RFC1: variants seen among roughly 807,000 people sequenced by gnomAD.
RFC1 encodes replication factor C subunit 1.
RFC1 carries 37 observed loss-of-function variants against 137.4 expected under a neutral mutation model. The ratio of observed to expected loss-of-function variants is 0.27; its 90% CI spans 0.21 to 0.35. The LOEUF is 0.35. RFC1 is among the 10% of genes least tolerant of loss of function. The pLI is 1.00. For missense variants in RFC1, 1,205 were observed against 1,358.5 expected, an observed-to-expected ratio of 0.89 and a Z score of 1.78; for synonymous variants, 429 against 455.7, an observed-to-expected ratio of 0.94 and a Z score of 0.75.
rs112115371 is a variant in RFC1 at position 39,358,120 on chromosome 4, A to G, written c.4-6644T>C. Among the ~76,000 whole-genome samples the G allele has an allele frequency of 3.1e-3, 469 of 152,136 alleles. 1 individual carries two copies. The highest frequency in any genetic ancestry group is 0.011 in the African/African-American group (442 of 41,526). On this transcript the variant is annotated intron_variant, in intron 1 of 24. Transcript: ENST00000349703. ...AGAAACCCTGTCTCTACTTAAAAAT[A>G]CAAAAATAGCCAGGCATGGTGGTGC... is the stretch of plus-strand genomic sequence containing the variant.
intron 4 of RFC1, among the ~76,000 whole-genome samples, chr4:39,339,521 G>A (rs1362207567): frequency 6.6e-6 from 1 of 152,078 alleles, no homozygotes; most frequent in East Asian, 1.9e-4. Context: ...TCATATACCT[G>A]TTGGCCACTT....
chr4:39,331,535 A>G (rs902848141), intron 4 of RFC1, among the ~76,000 whole-genome samples: 1 of 152,230 alleles, frequency 6.6e-6, no homozygotes, highest in East Asian at 1.9e-4. Flanking sequence ...TAACAATGGC[A>G]GTACAAACAG....
At chr4:39,358,183 G>A (rs865993285) in intron 1 of RFC1, among the ~76,000 whole-genome samples, 4 of 151,976 alleles carry the variant, frequency 2.6e-5, no homozygotes, top group African/African-American at 9.7e-5. Flanking sequence ...GCTGAGACAG[G>A]AGAATCACTT....
At chr4:39,324,244 G>C (rs1739654638) in intron 6 of RFC1, among the ~76,000 whole-genome samples, 2 of 152,040 alleles carry the variant, frequency 1.3e-5, no homozygotes, top group Non-Finnish European at 2.9e-5. Flanking sequence ...AAAAAAGGGA[G>C]GAAAAACTCT....
chr4:39,363,093 C>T (rs181409252), intron 1 of RFC1, among the ~76,000 whole-genome samples: 2 of 152,296 alleles, frequency 1.3e-5, no homozygotes, highest in East Asian at 3.9e-4. Context: ...TTCCTTAAGT[C>T]TCATGTGTGT....
intron 21 of RFC1, among the ~76,000 whole-genome samples, chr4:39,298,068 A>T (rs1738124053): frequency 6.6e-6 from 1 of 152,228 alleles, no homozygotes; most frequent in African/African-American, 2.4e-5. Context: ...TAACCCCAGC[A>T]CTTTGGGAGA....
chr4:39,290,423 CAAACA>C (rs1213669583), intron 23 of RFC1, among the ~76,000 whole-genome samples: 2 of 150,846 alleles, frequency 1.3e-5, no homozygotes, highest in East Asian at 3.9e-4. Flanking sequence ...GGCAAACAAA[CAAACA>C]AAAGGTCACT....
intron 4 of RFC1, among the ~76,000 whole-genome samples, chr4:39,337,806 C>G (rs1560613723): frequency 6.6e-6 from 1 of 152,168 alleles, no homozygotes; most frequent in Non-Finnish European, 1.5e-5. Flanking sequence ...TCACAAGTCA[C>G]TCTTATTACA....
intron 15 of RFC1, 73 bp downstream of exon 15, chr4:39,304,741 T>A (rs1738546092): frequency 1.1e-6 from 1 of 907,156 alleles, no homozygotes; most frequent in African/African-American, 1.6e-5. Flanking sequence ...CTGTGTTCAA[T>A]ACTGGTTACT....
intron 2 of RFC1, among the ~76,000 whole-genome samples, chr4:39,346,907 A>C (rs1339450035): frequency 6.6e-6 from 1 of 152,228 alleles, no homozygotes; most frequent in Admixed American, 6.5e-5. Context: ...AGCTTAGCTA[A>C]GGTTAAAAGA....
chr4:39,291,307 C>T (rs1404096790), intron 23 of RFC1, among the ~76,000 whole-genome samples: 1 of 152,150 alleles, frequency 6.6e-6, no homozygotes, highest in Non-Finnish European at 1.5e-5. Flanking sequence ...AACCCATTAC[C>T]ACCAGAGCTC....
At position 39,287,723 on chromosome 4, in the gene RFC1, G is replaced by A. The variant is rs1300532262; in HGVS notation, c.*1038C>T. On this transcript the variant is annotated 3_prime_UTR_variant, in exon 25 of 25. Transcript: ENST00000349703. ...TTCCAGGCTAGGTCCATAGCCTCAC[G>A]GCCACTCAACACATACAGTTATAGG... 1.3e-5 allele frequency: 2 copies of A among 152,118 alleles called. No homozygotes were observed. Among genetic ancestry groups the A allele is most frequent in the Admixed American group, 6.6e-5 (1 of 15,262 alleles). The allele number at this position is 152,118 out of a possible 1,614,324, so 9.4% of individuals were successfully genotyped here. A position where few individuals can be genotyped will look rare whatever the true frequency, so the allele number is the denominator to read the frequency against.
intron 2 of RFC1, among the ~76,000 whole-genome samples, chr4:39,350,878 T>C (rs1444928407): frequency 6.6e-6 from 1 of 152,078 alleles, no homozygotes; most frequent in Non-Finnish European, 1.5e-5. Flanking sequence ...AAAATACACA[T>C]CTATTTAAAG....
chr4:39,295,334 A>G (rs1737925733), intron 22 of RFC1, among the ~76,000 whole-genome samples: 1 of 152,232 alleles, frequency 6.6e-6, no homozygotes, highest in South Asian at 2.1e-4. Context: ...TAACAGTAAC[A>G]GTGCCACCTC....
At chr4:39,363,002 T>G (rs1303167195) in intron 1 of RFC1, among the ~76,000 whole-genome samples, 1 of 152,254 alleles carries the variant, frequency 6.6e-6, no homozygotes, top group Non-Finnish European at 1.5e-5. Flanking sequence ...ATGTGAAAGT[T>G]GCCTGCCTGT....
chr4:39,290,889 C>T (rs1448388015), intron 23 of RFC1, among the ~76,000 whole-genome samples: 2 of 151,794 alleles, frequency 1.3e-5, no homozygotes, highest in Non-Finnish European at 2.9e-5. Context: ...CACTAGATAC[C>T]TTTTCCATAA....
At chr4:39,351,282 A>ATTAAAAT in intron 2 of RFC1, 66 bp downstream of exon 2, 18 of 535,040 alleles carry the variant, frequency 3.4e-5, no homozygotes, top group Non-Finnish European at 4.1e-5. Context: ...AAAAAAAAAA[A>ATTAAAAT]AAACTTATAA....
chr4:39,327,166 T>C (rs1160836076), intron 5 of RFC1, among the ~76,000 whole-genome samples: 10 of 152,188 alleles, frequency 6.6e-5, no homozygotes, highest in Admixed American at 6.5e-4. Flanking sequence ...TATGCTCTAT[T>C]TATAAGGAAT....
Position 39,298,890 on chromosome 4 carries a change from G to A in RFC1, c.2808+1131C>T, listed in dbSNP as rs1041335325. 1.2e-4 allele frequency among the ~76,000 whole-genome samples: 19 copies of A among 152,274 alleles called. No individual in the cohort carries two copies. The East Asian group carries it at 2.1e-3, about 17-fold the overall frequency. The stretch of plus-strand genomic sequence containing the variant: ...TCCCAGCACTTTGGAAGGCCAAGGC[G>A]GGCGGATCACGAGGTCAGGAGATTA... On this transcript the variant is annotated intron_variant, in intron 21 of 24. Coordinates refer to ENST00000349703, the MANE Select transcript of RFC1 (RefSeq NM_002913.5).
Sources: allele counts gnomAD v4.1 joint callset (sites outside exome capture counted in the v4.1 genomes callset), GRCh38; gene constraint gnomAD v4.1.1; transcripts MANE v1.5; gene names NCBI Gene and HGNC (gene_info 2026-07-23, HGNC 2026-07-21).